RABL3: variants seen among roughly 807,000 people sequenced by gnomAD.
RABL3 encodes RAB, member of RAS oncogene family like 3.
Under a neutral mutation model 31.8 loss-of-function variants are expected in RABL3, and 31 were observed. The ratio of observed to expected loss-of-function variants is 0.97; its 90% confidence interval spans 0.73 to 1.31. The LOEUF (loss-of-function observed/expected upper bound fraction) is 1.31. RABL3 is among the 40% of genes most tolerant of loss of function. RABL3 has a pLI of 0.00. For synonymous variants in RABL3, 97 were observed against 99.9 expected, an observed-to-expected ratio of 0.97 and a Z score of 0.18; for missense variants, 263 against 279.6, an observed-to-expected ratio of 0.94 and a Z score of 0.42.
chr3:120,690,435 A>G lies in RABL3; in HGVS notation c.645+14T>C. The G allele has an allele frequency of 6.5e-7, 1 of 1,535,868 alleles. No individual in the cohort carries two copies. The highest frequency in any genetic ancestry group is 1.1e-5 in the South Asian group (1 of 88,462). ...AATTTAAGAATCTATTTTATCAAGAAAAGAGATACCAACCTGATTACCTTC... is the reference window on the plus strand; with the variant it reads ...AATTTAAGAATCTATTTTATCAAGAGAAGAGATACCAACCTGATTACCTTC... On this transcript the variant is annotated intron_variant, in intron 7 of 7. Transcript: ENST00000273375.
At chr3:120,706,815 G>A (rs1708554965) in intron 3 of RABL3, among the ~76,000 whole-genome samples, 1 of 152,092 alleles carries the variant, frequency 6.6e-6, no homozygotes, top group Admixed American at 6.6e-5. Context: ...AGTATGGATA[G>A]TAGAAAGTAC....
chr3:120,694,429 A>G (rs1708413613), intron 5 of RABL3, among the ~76,000 whole-genome samples: 1 of 152,180 alleles, frequency 6.6e-6, no homozygotes, highest in East Asian at 1.9e-4. Flanking sequence ...TTTGTAATTT[A>G]AACAATTTTA....
intron 4 of RABL3, among the ~76,000 whole-genome samples, chr3:120,705,258 G>T (rs1339525175): frequency 6.6e-6 from 1 of 152,098 alleles, no homozygotes; most frequent in African/African-American, 2.4e-5. Context: ...TAGGTTCAAT[G>T]CAATTCTAAT....
chr3:120,711,903 G>A (rs1708616872), intron 2 of RABL3, among the ~76,000 whole-genome samples: 1 of 152,036 alleles, frequency 6.6e-6, no homozygotes. Flanking sequence ...AGTATCAGGA[G>A]GCCTAGATTC....
At chr3:120,719,351 TGCAGGACAGTGG>T (rs1215342502) in intron 2 of RABL3, among the ~76,000 whole-genome samples, 1 of 152,038 alleles carries the variant, frequency 6.6e-6, no homozygotes, top group African/African-American at 2.4e-5. Flanking sequence ...AGACAGTGGG[TGCAGGACAGTGG>T]GCACAGCGCA....
chr3:120,694,718 C>G (rs955370762), intron 5 of RABL3, among the ~76,000 whole-genome samples: 2 of 151,918 alleles, frequency 1.3e-5, no homozygotes, highest in Non-Finnish European at 2.9e-5. Context: ...GAACAATTGC[C>G]AAGGATTTCT....
intron 6 of RABL3, among the ~76,000 whole-genome samples, chr3:120,693,141 G>C (rs1208610682): frequency 6.6e-6 from 1 of 151,654 alleles, no homozygotes; most frequent in Non-Finnish European, 1.5e-5. Context: ...AGAACTGAGG[G>C]AAATCAGCAT....
intron 4 of RABL3, 55 bp downstream of exon 4, chr3:120,705,944 GA>G: frequency 1.0e-6 from 1 of 984,648 alleles, no homozygotes; most frequent in Non-Finnish European, 1.6e-6. Context: ...GTTATTCAGG[GA>G]AGTACATTCC....
At chr3:120,695,964 C>G (rs1708431481) in intron 5 of RABL3, among the ~76,000 whole-genome samples, 1 of 152,212 alleles carries the variant, frequency 6.6e-6, no homozygotes, top group South Asian at 2.1e-4. Flanking sequence ...AAAGAGCCAT[C>G]TGCCATTTAT....
chr3:120,707,967 A>C (rs537320075), intron 3 of RABL3, among the ~76,000 whole-genome samples: 3 of 152,246 alleles, frequency 2.0e-5, no homozygotes, highest in African/African-American at 7.2e-5. Flanking sequence ...AAGTAAAGAC[A>C]CTTCATTATT....
At chr3:120,697,917 G>A (rs1708454797) in intron 5 of RABL3, among the ~76,000 whole-genome samples, 1 of 152,152 alleles carries the variant, frequency 6.6e-6, no homozygotes, top group Non-Finnish European at 1.5e-5. Flanking sequence ...TGTAATCCCA[G>A]CACTTTGGGA....
At chr3:120,734,361 T>C (rs1285151692) in intron 1 of RABL3, among the ~76,000 whole-genome samples, 1 of 152,232 alleles carries the variant, frequency 6.6e-6, no homozygotes, top group Non-Finnish European at 1.5e-5. Flanking sequence ...TATTGGTGTA[T>C]AAGAATGCTT....
At chr3:120,707,405 T>C (rs1327774198) in intron 3 of RABL3, among the ~76,000 whole-genome samples, 1 of 152,184 alleles carries the variant, frequency 6.6e-6, no homozygotes, top group Non-Finnish European at 1.5e-5. Flanking sequence ...CTACAGCTAA[T>C]ATTTATTCAG....
In RABL3 at chr3:120,686,135, C is replaced by T. The variant is rs1708305083; in HGVS notation, c.*3688G>A. ...TTAGACTTCCTGCGACCCTTCCTCTCCCACCACAGTGATTTAGCTCAGTCT... is the reference window on the plus strand; with the variant it reads ...TTAGACTTCCTGCGACCCTTCCTCTTCCACCACAGTGATTTAGCTCAGTCT... On this transcript the variant is annotated 3_prime_UTR_variant, in exon 8 of 8. Transcript: ENST00000273375. 6.6e-6 allele frequency among the ~76,000 whole-genome samples: 1 copy of T among 152,220 alleles called. No homozygotes were observed. Among genetic ancestry groups the T allele is most frequent in the Non-Finnish European group, 1.5e-5 (1 of 68,046 alleles).
intron 1 of RABL3, among the ~76,000 whole-genome samples, chr3:120,735,218 C>G (rs1235034914): frequency 1.4e-5 from 2 of 141,690 alleles, no homozygotes; most frequent in Admixed American, 1.4e-4. Context: ...GCCTCAATTT[C>G]CAAGCCTGTT....
chr3:120,690,530 C>A (rs564049323), intron 6 of RABL3, 43 bp from the exon 7 acceptor site: 88 of 1,449,784 alleles, frequency 6.1e-5, no homozygotes, highest in Admixed American at 3.5e-4. Flanking sequence ...CACATACCTG[C>A]AAAAAGTGGC....
intron 1 of RABL3, chr3:120,738,782 TTTAC>T (rs1355386480): frequency 6.6e-6 from 1 of 152,194 alleles, no homozygotes; most frequent in African/African-American, 2.4e-5. Context: ...GGCATAAAAA[TTTAC>T]TTAATCATTC....
chr3:120,702,599 C>T (rs932540829), intron 4 of RABL3, among the ~76,000 whole-genome samples: 4 of 151,538 alleles, frequency 2.6e-5, no homozygotes, highest in Admixed American at 1.3e-4. Flanking sequence ...ACTCTGTTGC[C>T]CAAGCTGGGG....
At chr3:120,740,720 AGACT>A (rs1576351937) in intron 1 of RABL3, among the ~76,000 whole-genome samples, 1 of 152,242 alleles carries the variant, frequency 6.6e-6, no homozygotes, top group East Asian at 1.9e-4. Flanking sequence ...AGTTAAAAGG[AGACT>A]GACAAAATTA....
Sources: gnomAD v4.1 joint callset for allele counts (sites outside exome capture counted in the v4.1 genomes callset) on GRCh38, gnomAD v4.1.1 for gene constraint, MANE v1.5 for transcripts, NCBI Gene and HGNC (gene_info 2026-07-23, HGNC 2026-07-21) for gene names.